The following PARD6B variants were observed in gnomAD, a reference collection of about 807,000 sequenced individuals.
PARD6B encodes the protein par-6 family cell polarity regulator beta.
A neutral mutation model predicts 10.5 loss-of-function variants in PARD6B; 4 were observed. That is an observed-to-expected ratio of 0.38 (90% CI 0.19 to 0.87). The LOEUF (loss-of-function observed/expected upper bound fraction) is 0.87. PARD6B is among the 40% of genes least tolerant of loss of function. The pLI is 0.41. For synonymous variants in PARD6B, 169 were observed against 170.4 expected, an observed-to-expected ratio of 0.99 and a Z score of 0.07; for missense variants, 396 against 470.6, an observed-to-expected ratio of 0.84 and a Z score of 1.47.
chr20:50,735,951 T>C (rs896234419), intron 1 of PARD6B, among the ~76,000 whole-genome samples: 3 of 152,230 alleles, frequency 2.0e-5, no homozygotes, highest in Admixed American at 2.0e-4. Flanking sequence ...AACTGTGACT[T>C]TTGATAACAT....
rs753167340 is a variant in PARD6B, at chr20:50,750,476, C to A, written c.1107C>A (p.Ile369=). 5 of 1,611,654 alleles carry A rather than the reference C, an allele frequency of 3.1e-6. No individual in the cohort carries two copies. Among genetic ancestry groups the A allele is most frequent in the Middle Eastern group, 1.7e-4 (1 of 6,054 alleles). Reference sequence around the variant, plus strand: ...AACTCTTAGAAGAAGATGGAACAATCATAACATTATGAAACCGTGGTTTGA... The same window carrying A: ...AACTCTTAGAAGAAGATGGAACAATAATAACATTATGAAACCGTGGTTTGA... ...DQKLLEEDGT[I]ITL is the part of the protein sequence containing the mutation. Residue 369 remains isoleucine (I), a synonymous_variant, in exon 3 of 3, where the codon ATC becomes ATA. Coordinates refer to ENST00000371610, the MANE Select transcript of PARD6B (RefSeq NM_032521.3).
At chr20:50,736,422 G>A (rs1239880881) in intron 1 of PARD6B, among the ~76,000 whole-genome samples, 2 of 152,140 alleles carry the variant, frequency 1.3e-5, no homozygotes, top group Non-Finnish European at 2.9e-5. Flanking sequence ...AGAAATATGA[G>A]TTCAGTGGTT....
At position 50,731,684 on chromosome 20, in the gene PARD6B, C is replaced by T. The variant is rs2087471340; in HGVS notation, c.-103C>T. On this transcript the variant is annotated 5_prime_UTR_variant, in exon 1 of 3. Coordinates refer to ENST00000371610, the MANE Select transcript of PARD6B (RefSeq NM_032521.3). ...CTGCAGGTGCCTGTGAGGAGGCGCCCGGGCCGCAACCGCTTTCCGAGATCC... is the reference window on the plus strand; with the variant it reads ...CTGCAGGTGCCTGTGAGGAGGCGCCTGGGCCGCAACCGCTTTCCGAGATCC... 1.8e-6 allele frequency: 2 copies of T among 1,106,000 alleles called. No individual in the cohort carries two copies. The highest frequency in any genetic ancestry group is 3.3e-5 in the African/African-American group (2 of 60,362). 68.5% of individuals were successfully genotyped at this position (1,106,000 alleles called of 1,614,324 possible).
chr20:50,744,747 T>G (rs2087556303), intron 2 of PARD6B, among the ~76,000 whole-genome samples: 1 of 151,788 alleles, frequency 6.6e-6, no homozygotes, highest in Non-Finnish European at 1.5e-5. Context: ...TGGAACATTC[T>G]TCTTGCCTTC....
At chr20:50,741,023 C>G (rs1037735702) in intron 2 of PARD6B, among the ~76,000 whole-genome samples, 4 of 149,420 alleles carry the variant, frequency 2.7e-5, no homozygotes, top group Admixed American at 6.7e-5. Context: ...TGCAGTGGTG[C>G]AATCTCGGCT....
intron 1 of PARD6B, among the ~76,000 whole-genome samples, chr20:50,737,062 G>T (rs1214470599): frequency 6.6e-6 from 1 of 152,124 alleles, no homozygotes; most frequent in Non-Finnish European, 1.5e-5. Context: ...AGAGGTGTAG[G>T]GAAACAGACT....
chr20:50,750,014 T>G lies in PARD6B; in HGVS notation c.645T>G (p.Val215=), dbSNP rs2087591127. The G allele has an allele frequency of 6.2e-7, 1 of 1,614,204 alleles. No homozygotes were observed. The highest frequency in any genetic ancestry group is 8.5e-7 in the Non-Finnish European group (1 of 1,180,036). ...GACTATTAGCTGTTAATGATGAAGT[T>G]TTAGAAGTTAATGGCATAGAAGTTT... ...STGLLAVNDE[V]LEVNGIEVSG... is the part of the protein sequence containing the mutation. Residue 215 remains valine (V), a synonymous_variant, in exon 3 of 3, where the codon GTT becomes GTG. Transcript: ENST00000371610.
At chr20:50,746,706 A>C (rs180688422) in intron 2 of PARD6B, among the ~76,000 whole-genome samples, 14 of 152,352 alleles carry the variant, frequency 9.2e-5, no homozygotes, top group Admixed American at 7.8e-4. Context: ...GAGAGCATTC[A>C]AATGGAGTCT....
chr20:50,732,235 C>T (rs2087475547), intron 1 of PARD6B, among the ~76,000 whole-genome samples: 1 of 152,190 alleles, frequency 6.6e-6, no homozygotes, highest in South Asian at 2.1e-4. Flanking sequence ...GGCCCTGGAC[C>T]ACCCCGTTGT....
At chr20:50,737,439 G>T (rs1275206681) in intron 1 of PARD6B, among the ~76,000 whole-genome samples, 1 of 152,124 alleles carries the variant, frequency 6.6e-6, no homozygotes, top group Non-Finnish European at 1.5e-5. Flanking sequence ...TTCCATTTAT[G>T]GGGGAGGACA....
chr20:50,738,003 T>C lies in PARD6B; in HGVS notation c.213T>C (p.Pro71=), dbSNP rs1490442022. The part of the protein sequence containing the change: ...GYADIHGDLL[P]INNDDNYHKA... Reference sequence around the variant, plus strand: ...CAGACATCCATGGAGACTTACTACCTATAAATAATGATGATAATTATCACA... The same window carrying C: ...CAGACATCCATGGAGACTTACTACCCATAAATAATGATGATAATTATCACA... The change falls in exon 2 of 3, where the codon CCT becomes CCC. Residue 71 remains proline, a synonymous_variant. Transcript: ENST00000371610. The C allele has an allele frequency of 1.2e-6, 2 of 1,613,300 alleles. No individual in the cohort carries two copies. Among genetic ancestry groups the C allele is most frequent in the Admixed American group, 3.3e-5 (2 of 59,776 alleles).
intron 1 of PARD6B, among the ~76,000 whole-genome samples, chr20:50,732,165 T>C (rs756877063): frequency 6.6e-6 from 1 of 152,054 alleles, no homozygotes; most frequent in Non-Finnish European, 1.5e-5. Context: ...GCACACTGAG[T>C]GAAATGCGAG....
At chr20:50,732,553 C>T (rs903215298) in intron 1 of PARD6B, among the ~76,000 whole-genome samples, 1 of 152,148 alleles carries the variant, frequency 6.6e-6, no homozygotes, top group Admixed American at 6.5e-5. Flanking sequence ...TCTCAAGGCT[C>T]AGTGAGCAGG....
intron 1 of PARD6B, among the ~76,000 whole-genome samples, chr20:50,733,590 C>A (rs2087484031): frequency 6.6e-6 from 1 of 151,948 alleles, no homozygotes; most frequent in East Asian, 1.9e-4. Flanking sequence ...CTTGCTTGAG[C>A]TATAGCGTTA....
chr20:50,734,483 C>T (rs1156494018), intron 1 of PARD6B, among the ~76,000 whole-genome samples: 1 of 151,922 alleles, frequency 6.6e-6, no homozygotes, highest in African/African-American at 2.4e-5. Flanking sequence ...AGTAGCAAGA[C>T]TACAGGCGTG....
At chr20:50,735,022 TGCCTGTAATC>T (rs888418910) in intron 1 of PARD6B, among the ~76,000 whole-genome samples, 2 of 152,138 alleles carry the variant, frequency 1.3e-5, no homozygotes, top group African/African-American at 4.8e-5. Flanking sequence ...TGATGGCATA[TGCCTGTAATC>T]CCAGCTACTC....
In PARD6B at chr20:50,738,093, T is replaced by G; in HGVS notation, c.289+14T>G. ...TACAAAAGAAGGGTAAGTATCACTG[T>G]TTAGAAAAATTGTGTTAGAAATAGA... On this transcript the variant is annotated intron_variant, in intron 2 of 2. Coordinates refer to ENST00000371610, the MANE Select transcript of PARD6B (RefSeq NM_032521.3). 1 of 1,532,282 alleles carries G rather than the reference T, an allele frequency of 6.5e-7. No homozygotes were observed. The highest frequency in any genetic ancestry group is 1.2e-5 in the South Asian group (1 of 81,314). 94.9% of individuals were successfully genotyped at this position (1,532,282 alleles called of 1,614,324 possible). A position where few individuals can be genotyped will look rare whatever the true frequency, so the allele number is the denominator to read the frequency against.
rs1310648155 is a variant in PARD6B at position 50,749,877 on chromosome 20, G to A, written c.508G>A (p.Gly170Arg). ...CAAATACGGCACGGAGAAACCCCTA[G>A]GATTCTACATCCGGGATGGCTCCAG... ...LYKYGTEKPLGFYIRDGSSVR... is the reference protein window; with the variant it reads ...LYKYGTEKPLRFYIRDGSSVR... The change falls in exon 3 of 3, where the codon GGA (glycine) becomes AGA (arginine). Residue 170 changes from glycine (G) to arginine (R), a missense_variant. By Grantham distance (125) the Gly-to-Arg change is moderately radical (BLOSUM62 -2). Transcript: ENST00000371610. The A allele has an allele frequency of 6.2e-7, 1 of 1,613,992 alleles. No homozygotes were observed. The highest frequency in any genetic ancestry group is 8.5e-7 in the Non-Finnish European group (1 of 1,180,018).
chr20:50,750,783 G>A lies in PARD6B; in HGVS notation c.*295G>A. 1 of 1,130,926 alleles carries A rather than the reference G, an allele frequency of 8.8e-7. No homozygotes were observed. Among genetic ancestry groups the A allele is most frequent in the Non-Finnish European group, 1.1e-6 (1 of 919,978 alleles). 70.1% of individuals were successfully genotyped at this position (1,130,926 alleles called of 1,614,324 possible). On this transcript the variant is annotated 3_prime_UTR_variant, in exon 3 of 3. Transcript: ENST00000371610. ...GCACATTCTTGGAACTATGTGAGAA[G>A]ACTAGATCATTTCTGTTGGAAGTGG...
Sources: gnomAD v4.1 joint callset for allele counts (sites outside exome capture counted in the v4.1 genomes callset) on GRCh38, gnomAD v4.1.1 for gene constraint, MANE v1.5 for transcripts, NCBI Gene and HGNC (gene_info 2026-07-23, HGNC 2026-07-21) for gene names.